FILIP1: variants seen among roughly 807,000 people sequenced by gnomAD.
FILIP1 encodes filamin-A-interacting protein 1.
A neutral mutation model predicts 102.1 loss-of-function variants in FILIP1; 61 were observed. The observed-to-expected ratio is 0.60, with a 90% CI of 0.49 to 0.74. FILIP1 has a LOEUF of 0.74. Among genes scored for constraint, FILIP1 ranks in the 30% least tolerant of loss-of-function variants. The probability of loss-of-function intolerance (pLI) is 0.00; values close to 1 mark genes in which losing one functional copy is unlikely to be tolerated. For missense variants in FILIP1, 1,314 were observed against 1,441.2 expected (o/e 0.91, Z 1.43); for synonymous variants, 491 against 526.9 (o/e 0.93, Z 0.93).
chr6:75,487,285 C>T (rs181656386), intron 1 of FILIP1, among the ~76,000 whole-genome samples: 1 of 152,208 alleles, frequency 6.6e-6, no homozygotes, highest in African/African-American at 2.4e-5. Context: ...GATGAGCAGA[C>T]CATCTTTGTT....
intron 2 of FILIP1, among the ~76,000 whole-genome samples, chr6:75,397,537 G>GACACACACAC (rs59797690): frequency 1.4e-5 from 2 of 139,046 alleles, no homozygotes; most frequent in Non-Finnish European, 3.1e-5. Context: ...ACACATATAA[G>GACACACACAC]ACACACACAC....
At chr6:75,439,560 T>C (rs1328816627) in intron 1 of FILIP1, among the ~76,000 whole-genome samples, 2 of 152,186 alleles carry the variant, frequency 1.3e-5, no homozygotes, top group African/African-American at 2.4e-5. Flanking sequence ...AAACAGAGTA[T>C]AGTCACTCCT....
chr6:75,449,472 T>C (rs1015026380), intron 1 of FILIP1, among the ~76,000 whole-genome samples: 1 of 152,080 alleles, frequency 6.6e-6, no homozygotes, highest in Non-Finnish European at 1.5e-5. Context: ...CAAAAACCTA[T>C]TGAAGTTTTA....
rs71002741 is a variant in FILIP1, at chr6:75,485,998, T to TACAC, written c.-7+7412_-7+7415dup. On this transcript the variant is annotated intron_variant, in intron 1 of 5. Transcript: ENST00000237172. ...ACACACACACACACACACACACACA[T>TACAC]ACACACACACACACACACACACTCC... Among the ~76,000 whole-genome samples the TACAC allele has an allele frequency of 3.2e-3, 321 of 100,576 alleles. 3 individuals are homozygous for TACAC. Among genetic ancestry groups the TACAC allele is most frequent in the Admixed American group, 7.5e-3 (67 of 8,886 alleles). 66.0% of individuals were successfully genotyped at this position (100,576 alleles called of 152,430 possible).
chr6:75,471,179 AAAAAG>A (rs1779316814), intron 1 of FILIP1, among the ~76,000 whole-genome samples: 2 of 149,386 alleles, frequency 1.3e-5, no homozygotes, highest in Non-Finnish European at 3.0e-5. Context: ...AAAAAAAAAA[AAAAAG>A]AAAATATAAT....
At chr6:75,358,719 A>G (rs568821809) in intron 3 of FILIP1, 1 of 146,106 alleles carries the variant, frequency 6.8e-6, no homozygotes, top group Non-Finnish European at 1.5e-5. Flanking sequence ...TAATTTTTTA[A>G]TTTTTTAATT....
At chr6:75,420,368 G>A (rs899274011) in intron 1 of FILIP1, among the ~76,000 whole-genome samples, 1 of 151,892 alleles carries the variant, frequency 6.6e-6, no homozygotes, top group Non-Finnish European at 1.5e-5. Flanking sequence ...AATTAGCATG[G>A]AGTCTAAAAG....
chr6:75,446,721 C>T (rs1778453554), intron 1 of FILIP1, among the ~76,000 whole-genome samples: 1 of 152,094 alleles, frequency 6.6e-6, no homozygotes, highest in Non-Finnish European at 1.5e-5. Flanking sequence ...CTTGGTTTGC[C>T]CCAGTTCACC....
intron 1 of FILIP1, among the ~76,000 whole-genome samples, chr6:75,477,920 C>T (rs1346580653): frequency 1.3e-5 from 2 of 152,160 alleles, no homozygotes; most frequent in African/African-American, 2.4e-5. Context: ...GAATAATGTA[C>T]TGCTGTTAGA....
chr6:75,467,747 T>C (rs1176442999), intron 1 of FILIP1, among the ~76,000 whole-genome samples: 1 of 152,086 alleles, frequency 6.6e-6, no homozygotes, highest in African/African-American at 2.4e-5. Flanking sequence ...TGAGAAGACA[T>C]TGGAAGACAG....
chr6:75,483,514 T>C (rs1779703934), intron 1 of FILIP1, among the ~76,000 whole-genome samples: 1 of 152,054 alleles, frequency 6.6e-6, no homozygotes, highest in African/African-American at 2.4e-5. Context: ...AGGCATAAAA[T>C]ATTATATTGG....
chr6:75,339,459 CACA>C (rs1224329364), intron 4 of FILIP1, among the ~76,000 whole-genome samples: 9 of 152,188 alleles, frequency 5.9e-5, no homozygotes, highest in Admixed American at 2.6e-4. Context: ...TGCTAAATAA[CACA>C]ACAACTTCTG....
At chr6:75,486,368 G>A (rs1486553460) in intron 1 of FILIP1, among the ~76,000 whole-genome samples, 1 of 152,146 alleles carries the variant, frequency 6.6e-6, no homozygotes, top group Non-Finnish European at 1.5e-5. Flanking sequence ...ATCCAGGGTG[G>A]CCCAACTCTA....
At chr6:75,304,676 T>C (rs142643487), downstream of FILIP1, among the ~76,000 whole-genome samples, 5 of 152,142 alleles carry the variant, frequency 3.3e-5, no homozygotes, top group East Asian at 9.7e-4. Flanking sequence ...AAAACAATAA[T>C]GCGAAGACAA....
chr6:75,390,323 A>C (rs1179605211), intron 2 of FILIP1, among the ~76,000 whole-genome samples: 1 of 152,218 alleles, frequency 6.6e-6, no homozygotes, highest in East Asian at 1.9e-4. Flanking sequence ...GATAATATTA[A>C]TTATATCCTT....
chr6:75,439,594 T>A (rs1372822877), intron 1 of FILIP1, among the ~76,000 whole-genome samples: 1 of 152,182 alleles, frequency 6.6e-6, no homozygotes, highest in East Asian at 1.9e-4. Flanking sequence ...ACAGCTCAGG[T>A]TTGGAAAGAT....
chr6:75,478,230 C>T (rs896534935), intron 1 of FILIP1, among the ~76,000 whole-genome samples: 8 of 152,156 alleles, frequency 5.3e-5, no homozygotes, highest in Non-Finnish European at 1.0e-4. Context: ...TAGCTTTACT[C>T]GGGGTAATGT....
chr6:75,344,348 A>G (rs1003564572), intron 4 of FILIP1, among the ~76,000 whole-genome samples: 4 of 152,232 alleles, frequency 2.6e-5, no homozygotes, highest in Admixed American at 2.6e-4. Context: ...TAGCCACTTT[A>G]AAGACAAAGT....
intron 1 of FILIP1, among the ~76,000 whole-genome samples, chr6:75,486,232 C>T (rs960606346): frequency 1.3e-5 from 2 of 152,132 alleles, no homozygotes; most frequent in Admixed American, 1.3e-4. Context: ...GGAGGTGGTA[C>T]AAAATCAAAT....
Sources: gnomAD v4.1 joint callset for allele counts (sites outside exome capture counted in the v4.1 genomes callset) on GRCh38, gnomAD v4.1.1 for gene constraint, MANE v1.5 for transcripts, NCBI Gene and HGNC (gene_info 2026-07-23, HGNC 2026-07-21) for gene names.